MCC: variants seen among roughly 807,000 people sequenced by gnomAD.
MCC encodes colorectal mutant cancer protein.
In MCC, 90 loss-of-function variants were observed where a neutral mutation model predicts 116.2. The observed-to-expected ratio is 0.77, with a 90% confidence interval of 0.65 to 0.92. The LOEUF is 0.92. Ranked by LOEUF, MCC falls within the 40% of genes least tolerant of loss-of-function variation. The pLI is 0.00. For missense variants in MCC, 1,516 were observed against 1,312.2 expected, an observed-to-expected ratio of 1.16 and a Z score of -2.40; for synonymous variants, 578 against 510.5, an observed-to-expected ratio of 1.13 and a Z score of -1.78.
chr5:113,146,195 T>A (rs1022488416), intron 4 of MCC, among the ~76,000 whole-genome samples: 2 of 152,224 alleles, frequency 1.3e-5, no homozygotes, highest in African/African-American at 4.8e-5. Context: ...TAAATGAGAC[T>A]GTGCTGGGTG....
At chr5:113,030,592 A>G (rs1750884305) in intron 17 of MCC, among the ~76,000 whole-genome samples, 1 of 152,050 alleles carries the variant, frequency 6.6e-6, no homozygotes, top group African/African-American at 2.4e-5. Context: ...AGTTGGGAGG[A>G]TCGCTTGAGT....
chr5:113,168,582 G>C (rs902189013), intron 3 of MCC, among the ~76,000 whole-genome samples: 23 of 152,258 alleles, frequency 1.5e-4, no homozygotes, highest in Middle Eastern at 3.4e-3. Context: ...TACAAAGCAG[G>C]CTCTTTCTAT....
At chr5:113,059,737 T>C (rs1753088283) in intron 14 of MCC, among the ~76,000 whole-genome samples, 1 of 152,238 alleles carries the variant, frequency 6.6e-6, no homozygotes, top group Non-Finnish European at 1.5e-5. Context: ...ACGCTGGCTT[T>C]CCTCTGCATC....
chr5:113,099,899 C>T (rs941496047), intron 8 of MCC, among the ~76,000 whole-genome samples: 19 of 152,240 alleles, frequency 1.2e-4, no homozygotes, highest in Non-Finnish European at 8.8e-5. Context: ...CATGCACCAT[C>T]AGAATGCACA....
At chr5:113,207,779 G>T (rs968934747) in intron 3 of MCC, among the ~76,000 whole-genome samples, 24 of 152,126 alleles carry the variant, frequency 1.6e-4, no homozygotes, top group Non-Finnish European at 3.2e-4. Flanking sequence ...CTAGCTAGAG[G>T]TAACAGCTTA....
intron 1 of MCC, among the ~76,000 whole-genome samples, chr5:113,391,698 AAC>A (rs1266526751): frequency 2.0e-5 from 3 of 151,890 alleles, no homozygotes; most frequent in Non-Finnish European, 2.9e-5. Flanking sequence ...CAGCCTGGGT[AAC>A]ACAGCGAGAC....
chr5:113,106,006 T>C (rs183399568), intron 6 of MCC, among the ~76,000 whole-genome samples: 1 of 152,264 alleles, frequency 6.6e-6, no homozygotes, highest in East Asian at 1.9e-4. Context: ...TCTCTGGGGG[T>C]TGGGCTTGCA....
At chr5:113,397,244 C>A (rs1394175334) in intron 1 of MCC, among the ~76,000 whole-genome samples, 2 of 152,132 alleles carry the variant, frequency 1.3e-5, no homozygotes, top group African/African-American at 4.8e-5. Flanking sequence ...TGGCTCCTCC[C>A]ACTGTCTTAA....
intron 3 of MCC, among the ~76,000 whole-genome samples, chr5:113,282,777 A>G (rs1766099247): frequency 6.6e-6 from 1 of 152,178 alleles, no homozygotes; most frequent in East Asian, 1.9e-4. Context: ...CATGAAAATA[A>G]ATTAGATTTT....
intron 14 of MCC, among the ~76,000 whole-genome samples, chr5:113,059,717 A>T (rs1185036919): frequency 1.3e-5 from 2 of 152,102 alleles, no homozygotes; most frequent in African/African-American, 2.4e-5. Flanking sequence ...GCTCTGCTGG[A>T]GCTCCCGTCA....
intron 2 of MCC, 81 bp from the exon 3 acceptor site, chr5:113,340,811 C>A: frequency 1.9e-6 from 2 of 1,072,536 alleles, no homozygotes; most frequent in Non-Finnish European, 2.7e-6. Flanking sequence ...TGATTTGGAA[C>A]CTCCTAAGCC....
In MCC at chr5:113,183,415, C is replaced by A. The variant is rs370899369; in HGVS notation, c.628-31993G>T. Among the ~76,000 whole-genome samples, 66 of 152,272 alleles carry A rather than the reference C, an allele frequency of 4.3e-4. 1 individual carries two copies. Among genetic ancestry groups the A allele is most frequent in the African/African-American group, 1.3e-3 (52 of 41,544 alleles). On this transcript the variant is annotated intron_variant, in intron 3 of 18. Coordinates refer to ENST00000408903, the MANE Select transcript of MCC (RefSeq NM_001085377.2). ...CAGGTCAGAGAAAATTTGTCAGACT[C>A]CTCTTAAAAACATTCTTTCTTGTCT...
At chr5:113,257,252 T>C (rs1050183188) in intron 3 of MCC, among the ~76,000 whole-genome samples, 1 of 151,974 alleles carries the variant, frequency 6.6e-6, no homozygotes, top group Non-Finnish European at 1.5e-5. Flanking sequence ...GGGTCCAGAG[T>C]TCAGGCTGGT....
intron 3 of MCC, among the ~76,000 whole-genome samples, chr5:113,249,987 T>A (rs902211317): frequency 2.6e-5 from 4 of 152,126 alleles, no homozygotes; most frequent in African/African-American, 9.7e-5. Flanking sequence ...ATAAGAAATA[T>A]AATGCAGTAT....
At chr5:113,250,570 A>C (rs1764759035) in intron 3 of MCC, among the ~76,000 whole-genome samples, 1 of 152,184 alleles carries the variant, frequency 6.6e-6, no homozygotes, top group East Asian at 1.9e-4. Flanking sequence ...TACTCAGGTT[A>C]CCAGACCTTT....
intron 2 of MCC, among the ~76,000 whole-genome samples, chr5:113,346,626 AC>A (rs1277935676): frequency 1.6e-4 from 22 of 134,138 alleles, no homozygotes; most frequent in East Asian, 8.0e-4. Flanking sequence ...AACAACAACA[AC>A]AACAACAAAA....
rs17135397 is a variant in MCC, at chr5:113,181,085, T to C, written c.628-29663A>G. On this transcript the variant is annotated intron_variant, in intron 3 of 18. Transcript: ENST00000408903. The stretch of plus-strand genomic sequence containing the variant: ...TTATATTGAGACCAACACATCTCTA[T>C]GTGAACGATGACACTTATTAAAGAT... Among the ~76,000 whole-genome samples, 1,112 of 152,338 alleles carry C rather than the reference T, an allele frequency of 7.3e-3. 24 individuals carry two copies. Among genetic ancestry groups the C allele is most frequent in the East Asian group, 0.061 (314 of 5,188 alleles).
chr5:113,430,788 A>G (rs2150410672), intron 1 of MCC, among the ~76,000 whole-genome samples: 1 of 152,330 alleles, frequency 6.6e-6, no homozygotes, highest in Non-Finnish European at 1.5e-5. Flanking sequence ...GAGGGTGGTC[A>G]GCGTGAAGAG....
chr5:113,130,953 T>C (rs1758386981), intron 5 of MCC, among the ~76,000 whole-genome samples: 1 of 152,208 alleles, frequency 6.6e-6, no homozygotes, highest in African/African-American at 2.4e-5. Flanking sequence ...CTAACCCTGA[T>C]TCTCTCCCAA....
Sources: allele counts gnomAD v4.1 joint callset (sites outside exome capture counted in the v4.1 genomes callset), GRCh38; gene constraint gnomAD v4.1.1; transcripts MANE v1.5; gene names NCBI Gene and HGNC (gene_info 2026-07-23, HGNC 2026-07-21).